SYNJ1: variants seen among roughly 807,000 people sequenced by gnomAD.
The protein encoded by SYNJ1 is synaptojanin 1.
In SYNJ1, 78 loss-of-function variants were observed where a neutral mutation model predicts 168.2. That is an observed-to-expected ratio of 0.46 (90% CI 0.39 to 0.56). The LOEUF is 0.56. SYNJ1 is among the 20% of genes least tolerant of loss of function. The pLI, the probability that SYNJ1 is intolerant of heterozygous loss-of-function variation, is 0.00. For synonymous variants in SYNJ1, 539 were observed against 548.6 expected (o/e 0.98, Z 0.24); for missense variants, 1,303 against 1,597.6 (o/e 0.82, Z 3.14).
chr21:32,694,922 T>A (rs745966044), intron 5 of SYNJ1, 135 bp downstream of exon 5: 214 of 981,080 alleles, frequency 2.2e-4, no homozygotes, highest in Non-Finnish European at 2.8e-4. Flanking sequence ...TTAAGGCCCA[T>A]AAGTAACCAA....
chr21:32,649,963 T>C (rs1387898134), intron 23 of SYNJ1, among the ~76,000 whole-genome samples: 1 of 152,166 alleles, frequency 6.6e-6, no homozygotes, highest in African/African-American at 2.4e-5. Flanking sequence ...TTGGACAGGC[T>C]GGTCTTGAAC....
At chr21:32,647,238 C>T (rs1475223115) in intron 23 of SYNJ1, among the ~76,000 whole-genome samples, 5 of 152,194 alleles carry the variant, frequency 3.3e-5, no homozygotes, top group African/African-American at 1.2e-4. Flanking sequence ...GCTATGCCAT[C>T]AGGAATTTAT....
intron 18 of SYNJ1, among the ~76,000 whole-genome samples, chr21:32,663,044 G>A (rs2040778739): frequency 6.6e-6 from 1 of 152,154 alleles, no homozygotes; most frequent in Non-Finnish European, 1.5e-5. Flanking sequence ...GAAATTCCAG[G>A]AAAAACAAGA....
intron 27 of SYNJ1, among the ~76,000 whole-genome samples, chr21:32,643,008 C>G (rs1243619752): frequency 1.3e-5 from 2 of 152,154 alleles, no homozygotes; most frequent in African/African-American, 4.8e-5. Flanking sequence ...ATACTATATT[C>G]TTGGATCTGA....
chr21:32,631,032 G>C lies in SYNJ1; in HGVS notation c.*773C>G. ...AAAGTCCAGTGTGGGTGAAGCCTTA[G>C]AGGCCAAGGTCGTGAAAGGATCTAC... is the stretch of plus-strand genomic sequence containing the variant. On this transcript the variant is annotated 3_prime_UTR_variant, in exon 33 of 33. Transcript: ENST00000674351. The C allele has an allele frequency of 6.2e-7, 1 of 1,614,060 alleles. No individual in the cohort carries two copies. The highest frequency in any genetic ancestry group is 8.5e-7 in the Non-Finnish European group (1 of 1,179,984).
In SYNJ1 at chr21:32,681,518, C is replaced by G; in HGVS notation, c.1331G>C (p.Gly444Ala). The G allele has an allele frequency of 6.2e-7, 1 of 1,612,322 alleles. No homozygotes were observed. Among genetic ancestry groups the G allele is most frequent in the African/African-American group, 1.3e-5 (1 of 74,960 alleles). ...TACCTTCGCTTTCCCTTCAAGAGCTCCAGTTCCTGCATATATCTTACTGAT... is the reference window on the plus strand; with the variant it reads ...TACCTTCGCTTTCCCTTCAAGAGCTGCAGTTCCTGCATATATCTTACTGAT... ...DSISKIYAGT[G>A]ALEGKAKLKD... The change falls in exon 11 of 33, where the codon GGA becomes GCA. Residue 444 changes from glycine to alanine, a missense_variant. Transcript: ENST00000674351.
In SYNJ1 at chr21:32,638,311, C is replaced by G. The variant is rs775327240; in HGVS notation, c.3915+597G>C. 4.2e-4 allele frequency among the ~76,000 whole-genome samples: 64 copies of G among 152,272 alleles called. 1 individual carries two copies. The highest frequency in any genetic ancestry group is 5.1e-4 in the Non-Finnish European group (35 of 68,024). ...GAACTTGCAGGCTCAAGGGATCTGC[C>G]CACCTCAGCCTTCCAAAGTGTTAGG... On this transcript the variant is annotated intron_variant, in intron 31 of 32. Coordinates refer to ENST00000674351, the MANE Select transcript of SYNJ1 (RefSeq NM_203446.3).
chr21:32,647,392 T>G (rs1473518122), intron 23 of SYNJ1, among the ~76,000 whole-genome samples: 1 of 152,200 alleles, frequency 6.6e-6, no homozygotes, highest in Non-Finnish European at 1.5e-5. Flanking sequence ...AAAGTCCATG[T>G]GGACAACTCG....
chr21:32,681,811 T>C (rs2041635978), intron 10 of SYNJ1, among the ~76,000 whole-genome samples, 163 bp from the exon 11 acceptor site: 1 of 152,194 alleles, frequency 6.6e-6, no homozygotes, highest in South Asian at 2.1e-4. Context: ...TTTCCCATCA[T>C]TTCAATTTTT....
chr21:32,678,835 T>C, intron 11 of SYNJ1, 34 bp from the exon 12 acceptor site: 5 of 1,588,496 alleles, frequency 3.1e-6, no homozygotes, highest in African/African-American at 1.4e-5. Flanking sequence ...GCGCAGATTT[T>C]CATTTTAAAT....
intron 6 of SYNJ1, 86 bp downstream of exon 6, chr21:32,694,142 A>G: frequency 2.2e-6 from 2 of 907,594 alleles, no homozygotes; most frequent in Non-Finnish European, 3.1e-6. Flanking sequence ...GGAACCATCA[A>G]TGAATTAATT....
At chr21:32,639,286 T>C (rs2039721208) in intron 30 of SYNJ1, among the ~76,000 whole-genome samples, 161 bp from the exon 31 acceptor site, 1 of 152,174 alleles carries the variant, frequency 6.6e-6, no homozygotes, top group African/African-American at 2.4e-5. Flanking sequence ...TATCTGAATA[T>C]ATGTTGTAGA....
chr21:32,688,387 T>C lies in SYNJ1; in HGVS notation c.790-20A>G, dbSNP rs754054175. On this transcript the variant is annotated intron_variant, in intron 6 of 32. Coordinates refer to ENST00000674351, the MANE Select transcript of SYNJ1 (RefSeq NM_203446.3). Reference sequence around the variant, plus strand: ...TCCCACCTTAGACAAGAAAAATATATTTAATCAAACCAAAAACCAACATAT... The same window carrying C: ...TCCCACCTTAGACAAGAAAAATATACTTAATCAAACCAAAAACCAACATAT... 8 of 1,607,530 alleles carry C rather than the reference T, an allele frequency of 5.0e-6. No individual in the cohort carries two copies. The Admixed American group carries it at 1.2e-4, about 24-fold the overall frequency.
chr21:32,655,815 G>A (rs2040432326), intron 21 of SYNJ1, among the ~76,000 whole-genome samples: 1 of 152,170 alleles, frequency 6.6e-6, no homozygotes, highest in Admixed American at 6.6e-5. Context: ...CTGCTGTATA[G>A]TTGGAAGAGA....
At chr21:32,648,664 G>A (rs1601277118) in intron 23 of SYNJ1, among the ~76,000 whole-genome samples, 2 of 152,248 alleles carry the variant, frequency 1.3e-5, no homozygotes, top group Middle Eastern at 3.4e-3. Flanking sequence ...TCCCAGGTCT[G>A]TATTTCTCCA....
At chr21:32,719,162 C>T (rs1019212714) in intron 2 of SYNJ1, among the ~76,000 whole-genome samples, 7 of 152,332 alleles carry the variant, frequency 4.6e-5, no homozygotes, top group African/African-American at 1.7e-4. Context: ...AGATGCCCCA[C>T]GGCACTACAG....
At chr21:32,683,155 G>C (rs1450276814) in intron 10 of SYNJ1, among the ~76,000 whole-genome samples, 1 of 151,968 alleles carries the variant, frequency 6.6e-6, no homozygotes, top group East Asian at 1.9e-4. Flanking sequence ...ACTTCCTATT[G>C]CTGTTTTTTT....
intron 2 of SYNJ1, among the ~76,000 whole-genome samples, chr21:32,714,969 C>A (rs980422674): frequency 6.6e-6 from 1 of 152,110 alleles, no homozygotes; most frequent in Non-Finnish European, 1.5e-5. Context: ...ATTATTCAAC[C>A]CAGCTCTCAT....
intron 2 of SYNJ1, among the ~76,000 whole-genome samples, chr21:32,716,963 CTT>C (rs112013821): frequency 3.5e-5 from 5 of 144,666 alleles, no homozygotes; most frequent in Non-Finnish European, 3.1e-5. Context: ...GGGTCTTTCA[CTT>C]TTTTTTTTTT....
Sources: allele counts gnomAD v4.1 joint callset (sites outside exome capture counted in the v4.1 genomes callset), GRCh38; gene constraint gnomAD v4.1.1; transcripts MANE v1.5; gene names NCBI Gene and HGNC (gene_info 2026-07-23, HGNC 2026-07-21).